The following PRKDC variants were observed in gnomAD, a reference collection of about 807,000 sequenced individuals.
PRKDC encodes DNA-dependent protein kinase catalytic subunit.
Under a neutral mutation model 486.9 loss-of-function variants are expected in PRKDC, and 82 were observed. That is an observed-to-expected ratio of 0.17 (90% CI 0.14 to 0.20). PRKDC has a LOEUF of 0.20. Among genes scored for constraint, PRKDC ranks in the 10% least tolerant of loss-of-function variants. The probability of loss-of-function intolerance (pLI) is 1.00; values close to 1 mark genes in which losing one functional copy is unlikely to be tolerated. For missense variants in PRKDC, 4,504 were observed against 5,038.2 expected (o/e 0.89, Z 3.21); for synonymous variants, 1,895 against 1,837.0 (o/e 1.03, Z -0.81).
Position 47,860,895 on chromosome 8 carries a change from C to A in PRKDC, c.6058+4G>T. On this transcript the variant is annotated splice_donor_region_variant and intron_variant, in intron 45 of 85. Coordinates refer to ENST00000314191, the MANE Select transcript of PRKDC (RefSeq NM_006904.7). ...CCTTTCTCATGATTTTGAAAACATC[C>A]TACCTGAATCCCCATTTGCTGCTTC... 1 of 1,601,156 alleles carries A rather than the reference C, an allele frequency of 6.2e-7. No individual in the cohort carries two copies. Among genetic ancestry groups the A allele is most frequent in the South Asian group, 1.1e-5 (1 of 88,002 alleles).
At chr8:47,840,832 G>A (rs946069549) in intron 54 of PRKDC, among the ~76,000 whole-genome samples, 8 of 152,200 alleles carry the variant, frequency 5.3e-5, no homozygotes, top group Non-Finnish European at 2.9e-5. Context: ...CTGACACAAT[G>A]CATGTTTATT....
intron 10 of PRKDC, among the ~76,000 whole-genome samples, chr8:47,943,005 G>A (rs1178551629): frequency 6.6e-6 from 1 of 152,200 alleles, no homozygotes; most frequent in Admixed American, 6.5e-5. Context: ...TAGGCTCTGA[G>A]GCCCTAATCA....
At chr8:47,918,694 C>T (rs957297333) in intron 21 of PRKDC, among the ~76,000 whole-genome samples, 6 of 152,050 alleles carry the variant, frequency 3.9e-5, no homozygotes, top group African/African-American at 1.4e-4. Flanking sequence ...GCTTCAAAAC[C>T]AATCATGATG....
At chr8:47,912,357 G>T in intron 25 of PRKDC, 53 bp downstream of exon 25, 1 of 1,466,466 alleles carries the variant, frequency 6.8e-7, no homozygotes, top group South Asian at 1.5e-5. Context: ...CACTGAATTA[G>T]ACAAACCAAA....
At chr8:47,850,961 C>T (rs990859886) in intron 52 of PRKDC, among the ~76,000 whole-genome samples, 1 of 152,136 alleles carries the variant, frequency 6.6e-6, no homozygotes, top group Non-Finnish European at 1.5e-5. Context: ...GGGAGTGTGC[C>T]ACCATGCCCA....
rs752277421 is a variant in PRKDC at position 47,889,232 on chromosome 8, ATTGT to A, written c.4072-14_4072-11del. On this transcript the variant is annotated splice_polypyrimidine_tract_variant and intron_variant, in intron 32 of 85. Coordinates refer to ENST00000314191, the MANE Select transcript of PRKDC (RefSeq NM_006904.7). ...AGTCCTTCTTCAGGAGCTGTAACAG[ATTGT>A]TTGATAAAAACACTTCGTCAGCCAG... 1.7e-5 allele frequency: 27 copies of A among 1,583,582 alleles called. No individual in the cohort carries two copies. The Admixed American group carries it at 2.3e-4, about 13-fold the overall frequency.
rs996993742 is a variant in PRKDC at position 47,936,628 on chromosome 8, T to C, written c.1114-111A>G. The stretch of plus-strand genomic sequence containing the variant: ...TAAACACAAGTTTAACAAGGCTTCT[T>C]TTTTTTTTGAGACGAAGTTTCGCTC... On this transcript the variant is annotated intron_variant, in intron 11 of 85. Coordinates refer to ENST00000314191, the MANE Select transcript of PRKDC (RefSeq NM_006904.7). 4.0e-6 allele frequency: 5 copies of C among 1,261,332 alleles called. No individual in the cohort carries two copies. The African/African-American group carries it at 4.5e-5, about 11-fold the overall frequency. The allele number at this position is 1,261,332 out of a possible 1,614,324, so 78.1% of individuals were successfully genotyped here.
chr8:47,950,588 C>CA (rs1347345065), intron 7 of PRKDC, among the ~76,000 whole-genome samples: 1 of 148,478 alleles, frequency 6.7e-6, no homozygotes, highest in South Asian at 2.1e-4. Context: ...AAGATCATGC[C>CA]ACTGCACTCC....
Position 47,803,451 on chromosome 8 carries a change from C to T in PRKDC, c.9777G>A (p.Leu3259=), listed in dbSNP as rs770587016. The change falls in exon 70 of 86, where the codon CTG becomes CTA. Residue 3259 remains leucine (L), a synonymous_variant. Coordinates refer to ENST00000314191, the MANE Select transcript of PRKDC (RefSeq NM_006904.7). ...QNNFSLAMKL[L]KELHKESKTR... ...TTTTTGACTCTTTATGCAGCTCCTT[C>T]AGTAGTTTCATAGCAAGTGAGAAAT... The T allele has an allele frequency of 8.1e-6, 13 of 1,613,852 alleles. No individual in the cohort carries two copies. Among genetic ancestry groups the T allele is most frequent in the Non-Finnish European group, 1.1e-5 (13 of 1,179,890 alleles).
intron 76 of PRKDC, 126 bp from the exon 77 acceptor site, chr8:47,785,443 T>C (rs2086774689): frequency 1.2e-6 from 1 of 830,424 alleles, no homozygotes; most frequent in Non-Finnish European, 1.9e-6. Context: ...TTTTAAGATG[T>C]ATAGTTTTGG....
chr8:47,853,005 T>C (rs1307609088), intron 51 of PRKDC, among the ~76,000 whole-genome samples: 1 of 152,188 alleles, frequency 6.6e-6, no homozygotes, highest in Non-Finnish European at 1.5e-5. Flanking sequence ...TGCTGTCCCA[T>C]CATGCAGAAC....
chr8:47,923,560 G>A (rs533548265), intron 21 of PRKDC, among the ~76,000 whole-genome samples: 1 of 152,294 alleles, frequency 6.6e-6, no homozygotes, highest in South Asian at 2.1e-4. Context: ...CTAGTCAGTG[G>A]GCAAAGAAGG....
intron 22 of PRKDC, among the ~76,000 whole-genome samples, chr8:47,916,253 C>T (rs1414712275): frequency 6.6e-6 from 1 of 152,038 alleles, no homozygotes; most frequent in African/African-American, 2.4e-5. Flanking sequence ...CGAGACCAGC[C>T]TTTCACCAAC....
chr8:47,809,975 G>C (rs2087295827), intron 68 of PRKDC, among the ~76,000 whole-genome samples: 1 of 152,118 alleles, frequency 6.6e-6, no homozygotes, highest in Admixed American at 6.6e-5. Context: ...GGCAGACAGG[G>C]GCTACAGGGA....
chr8:47,832,973 C>CA (rs1169765677), intron 59 of PRKDC, among the ~76,000 whole-genome samples: 1 of 152,216 alleles, frequency 6.6e-6, no homozygotes, highest in Admixed American at 6.5e-5. Context: ...CGCAGCCCTG[C>CA]AAAGCAGGGA....
chr8:47,862,079 A>G lies in PRKDC; in HGVS notation c.5968T>C (p.Phe1990Leu), dbSNP rs768403564. 21 of 1,552,928 alleles carry G rather than the reference A, an allele frequency of 1.4e-5. No homozygotes were observed. Among genetic ancestry groups the G allele is most frequent in the Non-Finnish European group, 8.7e-6 (10 of 1,146,894 alleles). The part of the protein sequence containing the change: ...NLIDLKRRYN[F>L]PVEVEVPMER... ...TCACTCACCTCAACTTCTACAGGAA[A>G]ATTATAGCGGCGCTTCAGGTCGATC... is the stretch of plus-strand genomic sequence containing the variant. Residue 1990 changes from phenylalanine to leucine, a missense_variant, in exon 44 of 86, where the codon TTT becomes CTT. This residue lies in a region of PRKDC where 1,592 missense variants were observed against 1,724.6 expected (regional missense o/e 0.92). Coordinates refer to ENST00000314191, the MANE Select transcript of PRKDC (RefSeq NM_006904.7).
chr8:47,821,459 T>C (rs1192339029), intron 65 of PRKDC, 145 bp downstream of exon 65: 7 of 701,340 alleles, frequency 1.0e-5, no homozygotes, highest in Non-Finnish European at 1.7e-5. Context: ...AACAATACTA[T>C]GGGGTTTGTA....
intron 21 of PRKDC, chr8:47,926,696 T>C (rs1254955576): frequency 1.3e-5 from 2 of 152,362 alleles, no homozygotes; most frequent in African/African-American, 2.4e-5. Context: ...GCAGATAATT[T>C]TTTTCTTTGA....
At chr8:47,892,485 C>T (rs1413267112) in intron 31 of PRKDC, among the ~76,000 whole-genome samples, 1 of 152,110 alleles carries the variant, frequency 6.6e-6, no homozygotes, top group African/African-American at 2.4e-5. Context: ...TGTGCATCAC[C>T]ACGCCTGACT....
Sources: allele counts gnomAD v4.1 joint callset (sites outside exome capture counted in the v4.1 genomes callset), GRCh38; gene constraint gnomAD v4.1.1; regional missense constraint gnomAD v4.1.1; transcripts MANE v1.5; gene names NCBI Gene and HGNC (gene_info 2026-07-23, HGNC 2026-07-21).